The following PIGZ variants were observed in gnomAD, a reference collection of about 807,000 sequenced individuals.
PIGZ encodes GPI alpha-1,2-mannosyltransferase 4.
A neutral mutation model predicts 16.4 loss-of-function variants in PIGZ; 16 were observed. The observed-to-expected ratio is 0.97, with a 90% confidence interval of 0.66 to 1.48. The LOEUF is 1.48. Among genes scored for constraint, PIGZ ranks in the 40% most tolerant of loss-of-function variants. PIGZ has a pLI of 0.00. For missense variants in PIGZ, 770 were observed against 739.2 expected, an observed-to-expected ratio of 1.04 and a Z score of -0.48; for synonymous variants, 409 against 338.4, an observed-to-expected ratio of 1.21 and a Z score of -2.29.
rs965545934 is a variant in PIGZ, at chr3:196,951,726, A to G, written c.211+95T>C. The G allele has an allele frequency of 3.3e-6, 4 of 1,205,956 alleles. No individual in the cohort carries two copies. In the Admixed American group the frequency reaches 7.8e-5, roughly 24 times the overall value. 74.7% of individuals were successfully genotyped at this position (1,205,956 alleles called of 1,614,324 possible). On this transcript the variant is annotated intron_variant, in intron 2 of 2. Transcript: ENST00000412723. ...CTGCTTGTGGATTTACTACTCATCT[A>G]CCCAGACATGCTACTCCCTCCCCAC... is the stretch of plus-strand genomic sequence containing the variant.
chr3:196,967,153 G>T (rs754181733), intron 1 of PIGZ, among the ~76,000 whole-genome samples: 1 of 152,060 alleles, frequency 6.6e-6, no homozygotes, highest in Non-Finnish European at 1.5e-5. Context: ...GGGGCGGGAG[G>T]AGGGGAGGGA....
chr3:196,952,162 C>T (rs1024475029), intron 1 of PIGZ, 131 bp from the exon 2 acceptor site: 1 of 880,760 alleles, frequency 1.1e-6, no homozygotes, highest in African/African-American at 1.7e-5. Flanking sequence ...ATACTCTATG[C>T]CCACTAACTG....
Position 196,948,840 on chromosome 3 carries a change from TCTC to T in PIGZ, c.212-158_212-156del, listed in dbSNP as rs1373230543. On this transcript the variant is annotated intron_variant, in intron 2 of 2. Coordinates refer to ENST00000412723, the MANE Select transcript of PIGZ (RefSeq NM_025163.4). Reference sequence around the variant, plus strand: ...CTGGATTTTTCCTCCCTTCCCTCCCTCTCTCCCTCCTTCTTTCCCTTCCTTCCC... The same window carrying T: ...CTGGATTTTTCCTCCCTTCCCTCCCTTCCCTCCTTCTTTCCCTTCCTTCCC... Among the ~76,000 whole-genome samples, 52 of 133,234 alleles carry T rather than the reference TCTC, an allele frequency of 3.9e-4. 1 individual carries two copies. Among genetic ancestry groups the T allele is most frequent in the African/African-American group, 1.3e-3 (46 of 34,946 alleles). 87.4% of individuals were successfully genotyped at this position (133,234 alleles called of 152,430 possible). A position where few individuals can be genotyped will look rare whatever the true frequency, so the allele number is the denominator to read the frequency against.
chr3:196,963,114 G>A (rs901557424), intron 1 of PIGZ, among the ~76,000 whole-genome samples: 6 of 152,212 alleles, frequency 3.9e-5, no homozygotes, highest in Admixed American at 3.3e-4. Context: ...GTTCGTCCGT[G>A]TTGTAGCAGG....
At chr3:196,958,405 C>T (rs1434559620) in intron 1 of PIGZ, among the ~76,000 whole-genome samples, 6 of 152,132 alleles carry the variant, frequency 3.9e-5, no homozygotes, top group African/African-American at 7.2e-5. Context: ...CTGAGGCCGG[C>T]GGATCACCTG....
chr3:196,948,955 TCCCTTCCTTCCCTTCCCCTCCCC>T (rs1717118340), intron 2 of PIGZ, among the ~76,000 whole-genome samples: 1 of 28,938 alleles, frequency 3.5e-5, no homozygotes, highest in Non-Finnish European at 5.7e-5. Context: ...TCCCCTCCCC[TCCCTTCCTTCCCTTCCCCTCCCC>T]TCCCTTCCCT....
rs1444699245 is a variant in PIGZ, at chr3:196,946,693, C to G, written c.*464G>C. On this transcript the variant is annotated 3_prime_UTR_variant, in exon 3 of 3. Transcript: ENST00000412723. The stretch of plus-strand genomic sequence containing the variant: ...GGATCTGGGCCACCTGTTCTCTATA[C>G]TTCGTCTCACTGACTTGCACATATT... 6.5e-6 allele frequency: 1 copy of G among 153,164 alleles called. No individual in the cohort carries two copies. The highest frequency in any genetic ancestry group is 2.1e-4 in the South Asian group (1 of 4,876). 9.5% of individuals were successfully genotyped at this position (153,164 alleles called of 1,614,324 possible). A position where few individuals can be genotyped will look rare whatever the true frequency, so the allele number is the denominator to read the frequency against.
At chr3:196,958,546 G>C (rs576416245) in intron 1 of PIGZ, among the ~76,000 whole-genome samples, 3 of 152,202 alleles carry the variant, frequency 2.0e-5, no homozygotes, top group Admixed American at 6.5e-5. Flanking sequence ...CAGGAGAATC[G>C]CTTGAACCTG....
chr3:196,948,671 C>G lies in PIGZ; in HGVS notation c.226G>C (p.Val76Leu). The G allele has an allele frequency of 6.9e-7, 1 of 1,455,840 alleles. No homozygotes were observed. Among genetic ancestry groups the G allele is most frequent in the Non-Finnish European group, 9.0e-7 (1 of 1,106,604 alleles). The allele number at this position is 1,455,840 out of a possible 1,614,324, so 90.2% of individuals were successfully genotyped here. ...AACTCCCAGGGCCGCGCGGCCTGAA[C>G]GCCCAGGATGTCCTCTGCAGAGAGA... is the stretch of plus-strand genomic sequence containing the variant. ...PEVMAEDILG[V>L]QAARPWEFYP... The change falls in exon 3 of 3, where the codon GTT becomes CTT. Residue 76 changes from valine (V) to leucine (L), a missense_variant. Transcript: ENST00000412723.
Position 196,948,393 on chromosome 3 carries a change from G to C in PIGZ, c.504C>G (p.Thr168=). The C allele has an allele frequency of 6.2e-7, 1 of 1,614,146 alleles. No homozygotes were observed. The highest frequency in any genetic ancestry group is 2.2e-5 in the East Asian group (1 of 44,872). ...AGAAGGTCCTTGTGTAGAAGACCAGGGTGACGTAGGAACCAGACAGCAGGG... is the reference window on the plus strand; with the variant it reads ...AGAAGGTCCTTGTGTAGAAGACCAGCGTGACGTAGGAACCAGACAGCAGGG... ...ALALLSGSYV[T]LVFYTRTFSN... Residue 168 remains threonine (T), a synonymous_variant, in exon 3 of 3, where the codon ACC becomes ACG. Coordinates refer to ENST00000412723, the MANE Select transcript of PIGZ (RefSeq NM_025163.4).
intron 1 of PIGZ, among the ~76,000 whole-genome samples, chr3:196,952,952 C>T (rs1717348165): frequency 6.6e-6 from 1 of 152,146 alleles, no homozygotes; most frequent in South Asian, 2.1e-4. Flanking sequence ...GTGCCCCAAC[C>T]CACCTCCCTG....
chr3:196,948,283 G>C lies in PIGZ; in HGVS notation c.614C>G (p.Pro205Arg), dbSNP rs139393233. The change falls in exon 3 of 3, where the codon CCG becomes CGG. Residue 205 changes from proline (P) to arginine (R), a missense_variant. Transcript: ENST00000412723. ...GCTGCGCCACCGTGGACCCGGCGCC[G>C]GCTCCTTGCGTGTAGGGCCCCACGT... is the stretch of plus-strand genomic sequence containing the variant. ...HVTWGPTRKEPAPGPRWRSWL... is the reference protein window; with the variant it reads ...HVTWGPTRKERAPGPRWRSWL... 14 of 1,613,982 alleles carry C rather than the reference G, an allele frequency of 8.7e-6. No homozygotes were observed. Among genetic ancestry groups the C allele is most frequent in the African/African-American group, 1.3e-5 (1 of 74,912 alleles).
intron 2 of PIGZ, among the ~76,000 whole-genome samples, 172 bp from the exon 3 acceptor site, chr3:196,948,857 C>T (rs1577880725): frequency 8.4e-6 from 1 of 118,848 alleles, no homozygotes; most frequent in African/African-American, 3.6e-5. Flanking sequence ...CTCCTTCTTT[C>T]CCTTCCTTCC....
At chr3:196,959,538 T>A (rs1717625756) in intron 1 of PIGZ, among the ~76,000 whole-genome samples, 1 of 152,142 alleles carries the variant, frequency 6.6e-6, no homozygotes, top group Admixed American at 6.5e-5. Flanking sequence ...TTCCTTTCCA[T>A]TAATAAACAC....
intron 1 of PIGZ, among the ~76,000 whole-genome samples, chr3:196,959,839 T>C (rs1469030350): frequency 6.6e-6 from 1 of 152,202 alleles, no homozygotes; most frequent in African/African-American, 2.4e-5. Context: ...CCTTCTAGGG[T>C]GTCTTACTGT....
intron 2 of PIGZ, among the ~76,000 whole-genome samples, chr3:196,949,168 A>G (rs975925014): frequency 9.9e-5 from 15 of 151,384 alleles, no homozygotes; most frequent in African/African-American, 3.2e-4. Context: ...GCTTCAATCC[A>G]TTCTTCCAGC....
chr3:196,949,511 G>C (rs1717176273), intron 2 of PIGZ, among the ~76,000 whole-genome samples: 1 of 152,202 alleles, frequency 6.6e-6, no homozygotes, highest in Non-Finnish European at 1.5e-5. Context: ...AAATGAACTA[G>C]ATTCTGCTAG....
At position 196,947,761 on chromosome 3, in the gene PIGZ, G is replaced by A; in HGVS notation, c.1136C>T (p.Ala379Val). The A allele has an allele frequency of 6.2e-7, 1 of 1,611,882 alleles. No homozygotes were observed. The highest frequency in any genetic ancestry group is 2.2e-5 in the East Asian group (1 of 44,852). ...CTGGTGGCTAAAGGCAGATAGCAGGGCCAGAGGCATGAAGTAGAGGAGAAG... is the reference window on the plus strand; with the variant it reads ...CTGGTGGCTAAAGGCAGATAGCAGGACCAGAGGCATGAAGTAGAGGAGAAG... The part of the protein sequence containing the change: ...YLLLLYFMPL[A>V]LLSAFSHQEA... Residue 379 changes from alanine to valine, a missense_variant, in exon 3 of 3, where the codon GCC becomes GTC. Ala to Val is a moderately conservative substitution (Grantham distance 64, BLOSUM62 0). Transcript: ENST00000412723.
rs763090814 is a variant in PIGZ, at chr3:196,947,325, AG to A, written c.1571del (p.Pro524LeufsTer25). 6.2e-7 allele frequency: 1 copy of A among 1,614,200 alleles called. No homozygotes were observed. The highest frequency in any genetic ancestry group is 1.1e-5 in the South Asian group (1 of 91,084). On this transcript the variant is annotated frameshift_variant, in exon 3 of 3. Coordinates refer to ENST00000412723, the MANE Select transcript of PIGZ (RefSeq NM_025163.4). LOFTEE classifies it high-confidence loss of function. ...TCTCCACGGCACGCCTGGTGGTGCC[AG>A]GGGTTACCACAAAGAGGCGGCAGAG... ...PWLCRLFVVT[P>X]GTTRRAVEKC...
Sources: gnomAD v4.1 joint callset for allele counts (sites outside exome capture counted in the v4.1 genomes callset) on GRCh38, gnomAD v4.1.1 for gene constraint, MANE v1.5 for transcripts, NCBI Gene and HGNC (gene_info 2026-07-23, HGNC 2026-07-21) for gene names.